The following ROBO2 variants were observed in gnomAD, a reference collection of about 807,000 sequenced individuals.
ROBO2 encodes the protein roundabout guidance receptor 2.
Under a neutral mutation model 160.8 loss-of-function variants are expected in ROBO2, and 53 were observed. The observed-to-expected ratio is 0.33, with a 90% confidence interval of 0.26 to 0.41. The LOEUF is 0.41. Ranked by LOEUF, ROBO2 falls within the 10% of genes least tolerant of loss-of-function variation. The probability of loss-of-function intolerance (pLI) is 1.00; values close to 1 mark genes in which losing one functional copy is unlikely to be tolerated. For synonymous variants in ROBO2, 664 were observed against 611.7 expected, an observed-to-expected ratio of 1.09 and a Z score of -1.26; for missense variants, 1,577 against 1,722.4, an observed-to-expected ratio of 0.92 and a Z score of 1.49.
At chr3:77,483,725 T>G (rs954773705) in intron 4 of ROBO2, among the ~76,000 whole-genome samples, 1 of 147,966 alleles carries the variant, frequency 6.8e-6, no homozygotes, top group East Asian at 1.9e-4. Context: ...ATTATAAATA[T>G]GATGTAAATA....
chr3:77,067,898 A>C (rs928163038), intron 1 of ROBO2, among the ~76,000 whole-genome samples: 1 of 152,040 alleles, frequency 6.6e-6, no homozygotes, highest in Non-Finnish European at 1.5e-5. Flanking sequence ...TTTCTTTTTT[A>C]TTTTATTGAT....
chr3:76,744,686 C>T (rs2093856291), intron 2 of ROBO2, among the ~76,000 whole-genome samples: 2 of 152,030 alleles, frequency 1.3e-5, no homozygotes, highest in African/African-American at 2.4e-5. Flanking sequence ...TTGAGGCCTC[C>T]TTGGCTTGTA....
At chr3:77,112,550 G>C (rs2073765832) in intron 2 of ROBO2, among the ~76,000 whole-genome samples, 2 of 152,006 alleles carry the variant, frequency 1.3e-5, no homozygotes, top group Non-Finnish European at 2.9e-5. Flanking sequence ...TGCCGAGAAA[G>C]ATCAAGGATT....
intron 2 of ROBO2, among the ~76,000 whole-genome samples, chr3:76,618,787 C>A (rs1311618529): frequency 6.6e-6 from 1 of 151,678 alleles, no homozygotes; most frequent in Non-Finnish European, 1.5e-5. Flanking sequence ...GATACTTTCA[C>A]TAGATAGCTT....
intron 2 of ROBO2, among the ~76,000 whole-genome samples, chr3:77,454,248 T>A (rs959361170): frequency 4.6e-5 from 7 of 152,194 alleles, no homozygotes; most frequent in African/African-American, 1.4e-4. Context: ...ATAAACAAGA[T>A]TGTGTTTGAG....
At chr3:76,055,723 T>A (rs79025890) in intron 2 of ROBO2, among the ~76,000 whole-genome samples, 13 of 152,232 alleles carry the variant, frequency 8.5e-5, no homozygotes, top group Admixed American at 2.6e-4. Flanking sequence ...TACTTTTTTT[T>A]TATCTAATCA....
intron 2 of ROBO2, among the ~76,000 whole-genome samples, chr3:76,286,008 A>T (rs1245303185): frequency 6.6e-6 from 1 of 152,154 alleles, no homozygotes; most frequent in Non-Finnish European, 1.5e-5. Flanking sequence ...CTGGACACTT[A>T]GGTAGGCACT....
chr3:76,592,132 C>A (rs1192120566), intron 2 of ROBO2, among the ~76,000 whole-genome samples: 1 of 151,750 alleles, frequency 6.6e-6, no homozygotes, highest in South Asian at 2.1e-4. Context: ...TGTGAAAGTA[C>A]CTGTGTACTT....
At chr3:76,644,273 TA>T (rs200742489) in intron 2 of ROBO2, among the ~76,000 whole-genome samples, 12 of 151,562 alleles carry the variant, frequency 7.9e-5, no homozygotes, top group African/African-American at 2.2e-4. Flanking sequence ...CAAGTGGTGT[TA>T]AAAAAAAATT....
At chr3:77,255,793 G>GA (rs893643677) in intron 2 of ROBO2, among the ~76,000 whole-genome samples, 118 of 152,282 alleles carry the variant, frequency 7.7e-4, no homozygotes, top group African/African-American at 1.3e-3. Flanking sequence ...TTTTCATCTA[G>GA]AAAAAATTTT....
At chr3:77,389,756 T>A (rs1296404994) in intron 2 of ROBO2, among the ~76,000 whole-genome samples, 1 of 152,068 alleles carries the variant, frequency 6.6e-6, no homozygotes, top group South Asian at 2.1e-4. Context: ...CATTAACTTT[T>A]TTTTAAAAAA....
intron 2 of ROBO2, among the ~76,000 whole-genome samples, chr3:76,864,073 T>A (rs2071102111): frequency 6.6e-6 from 1 of 152,020 alleles, no homozygotes; most frequent in Admixed American, 6.6e-5. Flanking sequence ...CTACATTTCA[T>A]TCTACTGAAT....
intron 2 of ROBO2, among the ~76,000 whole-genome samples, chr3:76,144,318 G>A (rs1407339200): frequency 3.3e-5 from 5 of 151,930 alleles, no homozygotes; most frequent in East Asian, 1.9e-4. Flanking sequence ...GATAGGCCTC[G>A]ATATTTGAAG....
chr3:76,161,246 A>G (rs899844814), intron 2 of ROBO2, among the ~76,000 whole-genome samples: 5 of 152,152 alleles, frequency 3.3e-5, no homozygotes, highest in African/African-American at 1.2e-4. Flanking sequence ...AGTTGAATAC[A>G]TTAAAGTTTC....
At chr3:76,919,040 T>G (rs968468667) in intron 2 of ROBO2, among the ~76,000 whole-genome samples, 4 of 152,150 alleles carry the variant, frequency 2.6e-5, no homozygotes, top group African/African-American at 9.7e-5. Context: ...CTTGTAAATT[T>G]GCTTGAGTTC....
intron 2 of ROBO2, among the ~76,000 whole-genome samples, chr3:77,322,437 G>C (rs2064816777): frequency 6.6e-6 from 1 of 152,100 alleles, no homozygotes; most frequent in East Asian, 1.9e-4. Flanking sequence ...TCAATTTCAA[G>C]TTGTCAGTCC....
rs929717283 is a variant in ROBO2, at chr3:77,031,618, T to C, written c.110-66396T>C. On this transcript the variant is annotated intron_variant, in intron 2 of 26. Coordinates refer to the ROBO2 transcript ENST00000487694. ...TTATAAGTATATCACATTATTGATATAAATTAATTATATATTAATTTATTT... is the reference window on the plus strand; with the variant it reads ...TTATAAGTATATCACATTATTGATACAAATTAATTATATATTAATTTATTT... 1.9e-3 allele frequency among the ~76,000 whole-genome samples: 276 copies of C among 146,278 alleles called. 3 individuals carry two copies. Among genetic ancestry groups the C allele is most frequent in the Non-Finnish European group, 3.5e-3 (234 of 66,580 alleles).
chr3:76,609,011 A>G (rs999914787), intron 2 of ROBO2, among the ~76,000 whole-genome samples: 9 of 152,294 alleles, frequency 5.9e-5, no homozygotes, highest in Middle Eastern at 3.4e-3. Context: ...AAGTGAGAAC[A>G]TACAGTAATT....
chr3:77,167,145 G>A (rs896302559), intron 2 of ROBO2, among the ~76,000 whole-genome samples: 2 of 152,056 alleles, frequency 1.3e-5, no homozygotes, highest in African/African-American at 2.4e-5. Context: ...TCATCTTTGA[G>A]TAAATTGACT....
Sources: gnomAD v4.1 joint callset for allele counts (sites outside exome capture counted in the v4.1 genomes callset) on GRCh38, gnomAD v4.1.1 for gene constraint, MANE v1.5 for transcripts, NCBI Gene and HGNC (gene_info 2026-07-23, HGNC 2026-07-21) for gene names.